Variants in RABGEF1 observed in about 807,000 individuals in gnomAD.
The protein encoded by RABGEF1 is rab5 GDP/GTP exchange factor.
RABGEF1 carries 26 observed loss-of-function variants against 57.3 expected under a neutral mutation model. That is an observed-to-expected ratio of 0.45 (90% confidence interval 0.33 to 0.63). The LOEUF (loss-of-function observed/expected upper bound fraction) is 0.63, where lower values mean the gene tolerates loss of function less well. Among genes scored for constraint, RABGEF1 ranks in the 20% least tolerant of loss-of-function variants. The pLI is 0.02. For missense variants in RABGEF1, 464 were observed against 607.6 expected (o/e 0.76, Z 2.48); for synonymous variants, 185 against 210.7 (o/e 0.88, Z 1.06).
intron 1 of RABGEF1, among the ~76,000 whole-genome samples, chr7:66,766,186 A>G (rs1583888062): frequency 6.6e-6 from 1 of 151,914 alleles, no homozygotes; most frequent in African/African-American, 2.4e-5. Context: ...AAAAATAACA[A>G]CAATTAGCCA....
chr7:66,744,590 C>G (rs180715695), intron 1 of RABGEF1, among the ~76,000 whole-genome samples: 159 of 150,426 alleles, frequency 1.1e-3, no homozygotes, highest in African/African-American at 3.6e-3. Context: ...ATGGCGTGAA[C>G]CTGGGAGGTG....
the RABGEF1 span, among the ~76,000 whole-genome samples, chr7:66,655,183 C>A: frequency 6.6e-6 from 1 of 152,184 alleles, no homozygotes; most frequent in African/African-American, 2.4e-5. Context: ...AGCCTGTGGT[C>A]CTGACTTCCA....
chr7:66,716,960 G>A (rs1476157698), intron 2 of RABGEF1, among the ~76,000 whole-genome samples: 1 of 152,156 alleles, frequency 6.6e-6, no homozygotes, highest in Non-Finnish European at 1.5e-5. Context: ...TGTATTTTTA[G>A]TAGAGACGGG....
At chr7:66,737,033 T>TTA (rs1294374970), upstream of RABGEF1, among the ~76,000 whole-genome samples, 1 of 146,566 alleles carries the variant, frequency 6.8e-6, no homozygotes, top group African/African-American at 2.5e-5. Flanking sequence ...ATTATCATCA[T>TTA]TATATATATA....
chr7:66,793,825 C>T (rs1401757074), intron 4 of RABGEF1, among the ~76,000 whole-genome samples: 1 of 152,152 alleles, frequency 6.6e-6, no homozygotes, highest in Non-Finnish European at 1.5e-5. Context: ...TAGAGTTAAG[C>T]CAGATGGTCA....
the RABGEF1 span, among the ~76,000 whole-genome samples, chr7:66,671,817 C>CT: frequency 0.013 from 1,579 of 125,488 alleles, 38 homozygotes; most frequent in Middle Eastern, 0.031. Context: ...GTGAGACTGT[C>CT]TTTTTTTTTT....
chr7:66,709,988 T>C (rs536564614), intron 1 of RABGEF1, among the ~76,000 whole-genome samples: 5 of 152,294 alleles, frequency 3.3e-5, no homozygotes, highest in East Asian at 1.9e-4. Context: ...GGAGAAAATA[T>C]TTTATTTTGC....
At chr7:66,773,677 T>C (rs1807769918) in intron 2 of RABGEF1, 1 of 453,988 alleles carries the variant, frequency 2.2e-6, no homozygotes, top group African/African-American at 2.0e-5. Context: ...TTTGTTTGTT[T>C]GTTTTTGAGA....
At chr7:66,790,188 A>C (rs1812296419) in intron 4 of RABGEF1, among the ~76,000 whole-genome samples, 1 of 152,214 alleles carries the variant, frequency 6.6e-6, no homozygotes, top group Admixed American at 6.5e-5. Context: ...GTGTTCCAGA[A>C]GAAGAAATTA....
chr7:66,746,453 A>G (rs1800236555), intron 1 of RABGEF1, among the ~76,000 whole-genome samples: 1 of 150,144 alleles, frequency 6.7e-6, no homozygotes, highest in Admixed American at 6.7e-5. Context: ...ATACCCAGCT[A>G]ATTTTTTTTG....
At chr7:66,776,266 G>A (rs545396941) in intron 3 of RABGEF1, among the ~76,000 whole-genome samples, 2 of 152,306 alleles carry the variant, frequency 1.3e-5, no homozygotes, top group South Asian at 2.1e-4. Context: ...CCTGAAGGCC[G>A]GGGAATGAAT....
chr7:66,669,587 C>G, the RABGEF1 span, among the ~76,000 whole-genome samples: 2 of 152,170 alleles, frequency 1.3e-5, no homozygotes, highest in Non-Finnish European at 2.9e-5. Context: ...ATAATAAAAA[C>G]AAATTTCACA....
At chr7:66,696,755 G>A (rs143523675) in intron 1 of RABGEF1, among the ~76,000 whole-genome samples, 11 of 151,924 alleles carry the variant, frequency 7.2e-5, no homozygotes, top group Admixed American at 1.3e-4. Context: ...GGGAAACACT[G>A]GCAGGCATGG....
chr7:66,762,205 A>C (rs1428559230), intron 1 of RABGEF1, among the ~76,000 whole-genome samples: 1 of 152,230 alleles, frequency 6.6e-6, no homozygotes, highest in African/African-American at 2.4e-5. Flanking sequence ...GTGGAGAAGG[A>C]AAATAAGGTC....
upstream of RABGEF1, among the ~76,000 whole-genome samples, chr7:66,738,023 G>GTTTTTTTTT: frequency 1.5e-5 from 2 of 129,434 alleles, no homozygotes; most frequent in South Asian, 2.5e-4. Context: ...TGTTTTTTTT[G>GTTTTTTTTT]TTTTTTTTTT....
chr7:66,710,132 A>G (rs886855524), intron 1 of RABGEF1, among the ~76,000 whole-genome samples: 1 of 152,218 alleles, frequency 6.6e-6, no homozygotes, highest in Non-Finnish European at 1.5e-5. Context: ...TATAAATGAA[A>G]TCATTTACTA....
chr7:66,703,564 C>T (rs1225526304), intron 1 of RABGEF1, among the ~76,000 whole-genome samples: 1 of 152,142 alleles, frequency 6.6e-6, no homozygotes, highest in African/African-American at 2.4e-5. Context: ...TATTCTTTCC[C>T]CCATTGAATG....
intron 2 of RABGEF1, among the ~76,000 whole-genome samples, chr7:66,721,138 C>T (rs577244091): frequency 6.6e-6 from 1 of 152,120 alleles, no homozygotes; most frequent in Non-Finnish European, 1.5e-5. Context: ...AGGCTGCTCT[C>T]GAACTCCCGA....
Position 66,799,356 on chromosome 7 carries a change from T to C in RABGEF1, c.762T>C (p.Cys254=), listed in dbSNP as rs61758775. 3.1e-4 allele frequency: 495 copies of C among 1,612,434 alleles called. 1 individual carries two copies. Among genetic ancestry groups the C allele is most frequent in the Admixed American group, 4.2e-4 (25 of 60,016 alleles). The change falls in exon 7 of 9, where the codon TGT becomes TGC. Residue 254 remains cysteine (C), a synonymous_variant. Transcript: ENST00000284957. ...ALRWVTPQML[C]VPVNEDIPEV... Reference sequence around the variant, plus strand: ...GCTGGGTTACGCCTCAGATGCTGTGTGTCCCTGTTAATGAAGACATCCCAG... The same window carrying C: ...GCTGGGTTACGCCTCAGATGCTGTGCGTCCCTGTTAATGAAGACATCCCAG...
Sources: allele counts gnomAD v4.1 joint callset (sites outside exome capture counted in the v4.1 genomes callset), GRCh38; gene constraint gnomAD v4.1.1; transcripts MANE v1.5; gene names NCBI Gene and HGNC (gene_info 2026-07-23, HGNC 2026-07-21).